PRPF6: variants seen among roughly 807,000 people sequenced by gnomAD.
PRPF6 encodes the protein pre-mRNA processing factor 6.
A neutral mutation model predicts 118.3 loss-of-function variants in PRPF6; 42 were observed. The observed-to-expected ratio is 0.35, with a 90% CI of 0.28 to 0.46. The LOEUF is 0.46. Ranked by LOEUF, PRPF6 falls within the 20% of genes least tolerant of loss-of-function variation. The pLI, the probability that PRPF6 is intolerant of heterozygous loss-of-function variation, is 1.00. For missense variants in PRPF6, 662 were observed against 1,255.7 expected, an observed-to-expected ratio of 0.53 and a Z score of 7.15; for synonymous variants, 481 against 485.1, an observed-to-expected ratio of 0.99 and a Z score of 0.11.
intron 3 of PRPF6, among the ~76,000 whole-genome samples, chr20:63,990,372 C>T (rs1369079184): frequency 6.6e-6 from 1 of 152,092 alleles, no homozygotes; most frequent in Non-Finnish European, 1.5e-5. Flanking sequence ...AGACATAAGT[C>T]AATGTGCCTG....
intron 9 of PRPF6, among the ~76,000 whole-genome samples, chr20:64,002,645 C>CTTTTTTTTTT (rs1231191438): frequency 1.0e-5 from 1 of 98,330 alleles, no homozygotes; most frequent in South Asian, 3.4e-4. Context: ...CTTTTCTTTT[C>CTTTTTTTTTT]TTTTTTTTTT....
At chr20:63,999,190 G>A (rs2059154611) in intron 7 of PRPF6, 51 bp downstream of exon 7, 1 of 1,505,174 alleles carries the variant, frequency 6.6e-7, no homozygotes, top group African/African-American at 1.4e-5. Flanking sequence ...TAGTTGCCTA[G>A]GGTATTTTGG....
rs1016880092 is a variant in PRPF6, at chr20:64,029,635, T to C, written c.2546+144T>C. ...GATCCTCGGCTGCCGTCGCTCCTGC[T>C]GTGGTCTGGGGCAGGCGCCTCTCCT... is the stretch of plus-strand genomic sequence containing the variant. On this transcript the variant is annotated intron_variant, in intron 19 of 20. Coordinates refer to ENST00000266079, the MANE Select transcript of PRPF6 (RefSeq NM_012469.4). The surrounding 1 kb of genome is among the most constrained non-coding windows in gnomAD (Gnocchi z 4.8). The C allele has an allele frequency of 2.3e-5, 17 of 748,396 alleles. No homozygotes were observed. Among genetic ancestry groups the C allele is most frequent in the African/African-American group, 1.2e-4 (7 of 57,812 alleles). The allele number at this position is 748,396 out of a possible 1,614,324, so 46.4% of individuals were successfully genotyped here.
rs370501908 is a variant in PRPF6, at chr20:64,030,901, C to T, written c.2547-1017C>T. Among the ~76,000 whole-genome samples, 324 of 152,334 alleles carry T rather than the reference C, an allele frequency of 2.1e-3. 12 individuals are homozygous for T. In the South Asian group the frequency reaches 0.057, roughly 27 times the overall value. The stretch of plus-strand genomic sequence containing the variant: ...GGAGGCTCCTCGTGTTGTCTCTTGA[C>T]TACGGTGCCTCTGGCTCCAGGGGGA... On this transcript the variant is annotated intron_variant, in intron 19 of 20. Transcript: ENST00000266079.
At chr20:64,031,220 G>A (rs1009443165) in intron 19 of PRPF6, among the ~76,000 whole-genome samples, 14 of 152,262 alleles carry the variant, frequency 9.2e-5, no homozygotes, top group African/African-American at 3.4e-4. Flanking sequence ...GAGGCCGGGT[G>A]GGGCAGGATG....
intron 9 of PRPF6, among the ~76,000 whole-genome samples, chr20:64,008,531 C>T (rs1368838193): frequency 1.3e-5 from 2 of 152,170 alleles, no homozygotes; most frequent in Non-Finnish European, 2.9e-5. Context: ...GAGTTCTCCA[C>T]AGCCTTTCAG....
intron 7 of PRPF6, 36 bp downstream of exon 7, chr20:63,999,175 G>C: frequency 1.3e-6 from 2 of 1,561,018 alleles, no homozygotes; most frequent in Non-Finnish European, 1.8e-6. Context: ...CTGGGATGGA[G>C]ACTCTAGTTG....
intron 11 of PRPF6, among the ~76,000 whole-genome samples, chr20:64,016,390 C>T (rs919891486): frequency 1.3e-5 from 2 of 152,078 alleles, no homozygotes; most frequent in Non-Finnish European, 2.9e-5. Flanking sequence ...TCCCAAAGTG[C>T]TGGGATTACA....
intron 10 of PRPF6, among the ~76,000 whole-genome samples, chr20:64,010,632 A>G (rs749445654): frequency 6.6e-6 from 1 of 152,180 alleles, no homozygotes; most frequent in African/African-American, 2.4e-5. Flanking sequence ...AGAGTTTGTC[A>G]TGGGAGCCGA....
rs765889662 is a variant in PRPF6, at chr20:64,022,828, G to C, written c.1719G>C (p.Lys573Asn). The C allele has an allele frequency of 6.2e-7, 1 of 1,614,156 alleles. No individual in the cohort carries two copies. Among genetic ancestry groups the C allele is most frequent in the South Asian group, 1.1e-5 (1 of 91,086 alleles). ...YAYALQVFPS[K>N]KSVWLRAAYF... ...ACGCCCTGCAGGTGTTCCCCAGCAA[G>C]AAGAGTGTGTGGCTGCGCGCCGCGT... Residue 573 changes from lysine to asparagine, a missense_variant, in exon 13 of 21, where the codon AAG becomes AAC. Lys to Asn is a moderately conservative substitution (Grantham distance 94). Around this residue, in one of 10 missense-constraint regions of PRPF6, gnomAD observed 189 missense variants for 323.5 expected, o/e 0.58. Coordinates refer to ENST00000266079, the MANE Select transcript of PRPF6 (RefSeq NM_012469.4).
intron 19 of PRPF6, among the ~76,000 whole-genome samples, chr20:64,030,324 C>T (rs1390530422): frequency 6.6e-6 from 1 of 152,196 alleles, no homozygotes; most frequent in African/African-American, 2.4e-5. Flanking sequence ...GGTGGCGTGT[C>T]TGGCCCCAGG....
In PRPF6 at chr20:64,007,066, G is replaced by A. The variant is rs138836784; in HGVS notation, c.1187-3134G>A. Reference sequence around the variant, plus strand: ...TGTCAGTGTGGGCTGAGGGAGGAAAGCGGTTGAGCAGCCACCAGTGCAGGA... The same window carrying A: ...TGTCAGTGTGGGCTGAGGGAGGAAAACGGTTGAGCAGCCACCAGTGCAGGA... On this transcript the variant is annotated intron_variant, in intron 9 of 20. Coordinates refer to ENST00000266079, the MANE Select transcript of PRPF6 (RefSeq NM_012469.4). 2.6e-3 allele frequency among the ~76,000 whole-genome samples: 403 copies of A among 152,344 alleles called. 2 individuals are homozygous for A. Among genetic ancestry groups the A allele is most frequent in the African/African-American group, 9.4e-3 (391 of 41,580 alleles).
intron 14 of PRPF6, among the ~76,000 whole-genome samples, chr20:64,025,722 C>T (rs2059286609): frequency 6.6e-6 from 1 of 152,238 alleles, no homozygotes; most frequent in African/African-American, 2.4e-5. Context: ...CCTCACTGTA[C>T]CAGAGTGAAC....
At position 64,011,236 on chromosome 20, in the gene PRPF6, TC is replaced by T. The variant is rs757118448; in HGVS notation, c.1306-43del. ...TGGGTCGCTGTCTGGCCTGCAGCTG[TC>T]CCCCCAGCACAGTGTCCTCTCCTTT... is the stretch of plus-strand genomic sequence containing the variant. On this transcript the variant is annotated intron_variant, in intron 10 of 20. Transcript: ENST00000266079. This position sits in a 1 kb window ranked among gnomAD's most constrained non-coding sequence, Gnocchi z 6.7. The T allele has an allele frequency of 1.3e-6, 2 of 1,572,074 alleles. No individual in the cohort carries two copies. The highest frequency in any genetic ancestry group is 1.1e-5 in the South Asian group (1 of 89,584).
intron 3 of PRPF6, among the ~76,000 whole-genome samples, chr20:63,990,853 C>T (rs1461463681): frequency 6.6e-6 from 1 of 151,944 alleles, no homozygotes; most frequent in Non-Finnish European, 1.5e-5. Flanking sequence ...CGGGGTTTCA[C>T]CAATGTTAGC....
At chr20:64,001,271 C>T (rs2059165218) in intron 9 of PRPF6, 32 bp downstream of exon 9, 2 of 1,613,674 alleles carry the variant, frequency 1.2e-6, no homozygotes, top group Non-Finnish European at 8.5e-7. Context: ...TGCTTTCTCC[C>T]TCCTTGGGGC....
At chr20:64,014,114 A>G (rs997796663) in intron 11 of PRPF6, among the ~76,000 whole-genome samples, 1 of 151,362 alleles carries the variant, frequency 6.6e-6, no homozygotes, top group Non-Finnish European at 1.5e-5. Context: ...ATTTTTTTCT[A>G]TTTTTTGTAG....
chr20:63,995,017 C>A lies in PRPF6; in HGVS notation c.540C>A (p.Thr180=). ...RQRNPRYEKL[T]PVPDSFFAKH... ...GGAACCCACGCTATGAGAAGCTGAC[C>A]CCTGTTCCTGACAGTTTCTTTGCCA... The change falls in exon 5 of 21, where the codon ACC becomes ACA. Residue 180 remains threonine, a synonymous_variant. Coordinates refer to ENST00000266079, the MANE Select transcript of PRPF6 (RefSeq NM_012469.4). 6.2e-7 allele frequency: 1 copy of A among 1,614,116 alleles called. No individual in the cohort carries two copies. The highest frequency in any genetic ancestry group is 2.2e-5 in the East Asian group (1 of 44,884).
intron 12 of PRPF6, among the ~76,000 whole-genome samples, chr20:64,019,161 C>T (rs1403222572): frequency 1.3e-5 from 2 of 148,378 alleles, no homozygotes; most frequent in African/African-American, 5.0e-5. Context: ...TCCAGTGGCA[C>T]GATCTTGGCT....
Sources: gnomAD v4.1 joint callset for allele counts (sites outside exome capture counted in the v4.1 genomes callset) on GRCh38, gnomAD v4.1.1 for gene constraint, gnomAD v4.1.1 regional missense constraint, Gnocchi (gnomAD v3.1) non-coding constraint, MANE v1.5 for transcripts, NCBI Gene and HGNC (gene_info 2026-07-23, HGNC 2026-07-21) for gene names.